The following SDC2 variants were observed in gnomAD, a reference collection of about 807,000 sequenced individuals.
SDC2 encodes the protein syndecan-2.
In SDC2, 13 loss-of-function variants were observed where a neutral mutation model predicts 22.2. The observed-to-expected ratio is 0.59, with a 90% confidence interval of 0.38 to 0.93. The LOEUF (loss-of-function observed/expected upper bound fraction) is 0.93. Among genes scored for constraint, SDC2 ranks in the 40% least tolerant of loss-of-function variants. The pLI is 0.00. For synonymous variants in SDC2, 94 were observed against 92.8 expected (o/e 1.01, Z -0.07); for missense variants, 235 against 246.8 (o/e 0.95, Z 0.32).
At chr8:96,584,554 T>C (rs2439510) in intron 1 of SDC2, among the ~76,000 whole-genome samples, 123,567 of 152,162 alleles carry the variant, frequency 0.81, 50,964 homozygotes, top group Non-Finnish European at 0.89. Flanking sequence ...CCTGCCAAAC[T>C]CCGCCAGGAA....
intron 1 of SDC2, among the ~76,000 whole-genome samples, chr8:96,557,918 G>C (rs1434539731): frequency 6.6e-6 from 1 of 152,124 alleles, no homozygotes; most frequent in Non-Finnish European, 1.5e-5. Context: ...TTTAAAAGAA[G>C]ATACATAAGT....
chr8:96,579,961 T>C (rs1385882623), intron 1 of SDC2, among the ~76,000 whole-genome samples: 1 of 152,228 alleles, frequency 6.6e-6, no homozygotes. Flanking sequence ...GAATCAATAT[T>C]AGGGCTTTCC....
intron 2 of SDC2, among the ~76,000 whole-genome samples, chr8:96,601,143 G>A: frequency 6.6e-6 from 1 of 152,162 alleles, no homozygotes. Context: ...TTGACAGTGT[G>A]CAGTGGTGCT....
At chr8:96,514,764 A>C (rs763635275) in intron 1 of SDC2, among the ~76,000 whole-genome samples, 6 of 151,954 alleles carry the variant, frequency 3.9e-5, no homozygotes, top group Non-Finnish European at 7.4e-5. Flanking sequence ...TGTGTAATTC[A>C]CAGGGGTTTG....
At chr8:96,555,561 A>G (rs1357874079) in intron 1 of SDC2, among the ~76,000 whole-genome samples, 3 of 152,222 alleles carry the variant, frequency 2.0e-5, no homozygotes, top group Admixed American at 6.5e-5. Flanking sequence ...AAATACCAGT[A>G]TGAGGGGAGC....
At chr8:96,541,170 C>T (rs1024019439) in intron 1 of SDC2, among the ~76,000 whole-genome samples, 2 of 152,042 alleles carry the variant, frequency 1.3e-5, no homozygotes, top group Non-Finnish European at 2.9e-5. Flanking sequence ...GTGGCTCACA[C>T]CTATAATCCC....
At chr8:96,512,828 CTT>C (rs1462369152) in intron 1 of SDC2, among the ~76,000 whole-genome samples, 1 of 152,102 alleles carries the variant, frequency 6.6e-6, no homozygotes, top group African/African-American at 2.4e-5. Context: ...AAAATATAAA[CTT>C]TGACAAATGC....
At chr8:96,567,660 G>T (rs1163227607) in intron 1 of SDC2, among the ~76,000 whole-genome samples, 1 of 152,146 alleles carries the variant, frequency 6.6e-6, no homozygotes, top group African/African-American at 2.4e-5. Flanking sequence ...TTCCATCCAA[G>T]TTGCTGCAAA....
intron 1 of SDC2, among the ~76,000 whole-genome samples, chr8:96,540,340 G>GTATATATATATATATATATATATA (rs1554601718): frequency 9.5e-4 from 117 of 123,658 alleles, no homozygotes; most frequent in Middle Eastern, 4.0e-3. Flanking sequence ...ATATATATGT[G>GTATATATATATATATATATATATA]TATATATATA....
chr8:96,580,611 C>T, intron 1 of SDC2: 1 of 778,354 alleles, frequency 1.3e-6, no homozygotes, highest in Non-Finnish European at 1.6e-6. Context: ...ATATTAGAAA[C>T]ATTGGTCCCA....
At chr8:96,568,593 A>G (rs1468945625) in intron 1 of SDC2, among the ~76,000 whole-genome samples, 1 of 152,244 alleles carries the variant, frequency 6.6e-6, no homozygotes, top group African/African-American at 2.4e-5. Context: ...AGAAATAAAT[A>G]CCACAGAAAC....
intron 1 of SDC2, chr8:96,580,425 C>T (rs1814571146): frequency 2.0e-6 from 2 of 985,310 alleles, no homozygotes; most frequent in Non-Finnish European, 2.4e-6. Flanking sequence ...TCCCAAGCCT[C>T]CATATCCTCA....
Position 96,588,309 on chromosome 8 carries a change from A to G in SDC2, c.61-5171A>G, listed in dbSNP as rs536433814. ...CTAAAATTGTATGTTCCTTTGGGCTAGACCTAAGCCAGAATTGACAAGTTT... is the reference window on the plus strand; with the variant it reads ...CTAAAATTGTATGTTCCTTTGGGCTGGACCTAAGCCAGAATTGACAAGTTT... On this transcript the variant is annotated intron_variant, in intron 1 of 4. Coordinates refer to ENST00000302190, the MANE Select transcript of SDC2 (RefSeq NM_002998.4). Among the ~76,000 whole-genome samples the G allele has an allele frequency of 3.3e-5, 5 of 152,364 alleles. No individual in the cohort carries two copies. The South Asian group carries it at 1.0e-3, about 32-fold the overall frequency.
intron 1 of SDC2, among the ~76,000 whole-genome samples, chr8:96,530,973 G>A (rs140207927): frequency 6.6e-6 from 1 of 152,290 alleles, no homozygotes; most frequent in African/African-American, 2.4e-5. Context: ...AGCACACCCT[G>A]GGGAAATAAA....
At chr8:96,504,715 G>T (rs528499125) in intron 1 of SDC2, among the ~76,000 whole-genome samples, 1 of 152,198 alleles carries the variant, frequency 6.6e-6, no homozygotes, top group Non-Finnish European at 1.5e-5. Flanking sequence ...TATGTTTTGT[G>T]TTTCTCACTT....
At chr8:96,595,531 G>A (rs1396208658) in intron 2 of SDC2, among the ~76,000 whole-genome samples, 1 of 150,730 alleles carries the variant, frequency 6.6e-6, no homozygotes, top group South Asian at 2.1e-4. Context: ...CACCTTAAGA[G>A]TTCTTTGTAA....
intron 1 of SDC2, among the ~76,000 whole-genome samples, chr8:96,544,579 G>A (rs1813903179): frequency 6.6e-6 from 1 of 152,062 alleles, no homozygotes; most frequent in East Asian, 1.9e-4. Context: ...ATCATACCCT[G>A]CTTTACACCA....
chr8:96,545,961 C>A (rs1053329764), intron 1 of SDC2, among the ~76,000 whole-genome samples: 3 of 152,198 alleles, frequency 2.0e-5, no homozygotes, highest in African/African-American at 7.2e-5. Flanking sequence ...GCATAATCCC[C>A]TGAGGTGATG....
At chr8:96,561,081 G>T (rs765916400) in intron 1 of SDC2, among the ~76,000 whole-genome samples, 11 of 152,224 alleles carry the variant, frequency 7.2e-5, no homozygotes, top group Middle Eastern at 3.4e-3. Flanking sequence ...TCCAGCCTGG[G>T]CAACAAAGCA....
Sources: gnomAD v4.1 joint callset for allele counts (sites outside exome capture counted in the v4.1 genomes callset) on GRCh38, gnomAD v4.1.1 for gene constraint, MANE v1.5 for transcripts, NCBI Gene and HGNC (gene_info 2026-07-23, HGNC 2026-07-21) for gene names.